UBR3: variants seen among roughly 807,000 people sequenced by gnomAD.
The protein encoded by UBR3 is ubiquitin protein ligase E3 component n-recognin 3.
UBR3 carries 85 observed loss-of-function variants against 243.2 expected under a neutral mutation model. The observed-to-expected ratio is 0.35, with a 90% CI of 0.29 to 0.42. The LOEUF (loss-of-function observed/expected upper bound fraction) is 0.42, where lower values mean the gene tolerates loss of function less well. Ranked by LOEUF, UBR3 falls within the 10% of genes least tolerant of loss-of-function variation. The pLI, the probability that UBR3 is intolerant of heterozygous loss-of-function variation, is 1.00. For missense variants in UBR3, 1,686 were observed against 2,300.8 expected, an observed-to-expected ratio of 0.73 and a Z score of 5.47; for synonymous variants, 748 against 799.8, an observed-to-expected ratio of 0.94 and a Z score of 1.09.
intron 18 of UBR3, among the ~76,000 whole-genome samples, chr2:169,932,076 A>ATTTTTTT (rs140968517): frequency 3.4e-5 from 5 of 145,920 alleles, no homozygotes; most frequent in Non-Finnish European, 6.0e-5. Flanking sequence ...TAGCTCATTA[A>ATTTTTTT]TTTTTTTTTT....
At position 169,908,510 on chromosome 2, in the gene UBR3, A is replaced by G. The variant is rs572493567; in HGVS notation, c.1779+2346A>G. Among the ~76,000 whole-genome samples, 40 of 152,336 alleles carry G rather than the reference A, an allele frequency of 2.6e-4. No homozygotes were observed. The South Asian group carries it at 2.7e-3, about 10-fold the overall frequency. On this transcript the variant is annotated intron_variant, in intron 10 of 38. Coordinates refer to ENST00000272793, the MANE Select transcript of UBR3 (RefSeq NM_172070.4). ...TTTATTCAAAAAATATATGCCAGAC[A>G]TTGTTTAGATGCTTAAGTTTTTGGT... is the stretch of plus-strand genomic sequence containing the variant.
chr2:170,060,223 A>C (rs534973799), intron 33 of UBR3, among the ~76,000 whole-genome samples: 1 of 152,220 alleles, frequency 6.6e-6, no homozygotes, highest in Non-Finnish European at 1.5e-5. Context: ...GGTAATTTGC[A>C]TGTTACACTT....
At chr2:170,012,672 G>GTTTTTTTTTTTTTTTTTTTTTTTTTTTT (rs150182050) in intron 29 of UBR3, among the ~76,000 whole-genome samples, 1 of 68,870 alleles carries the variant, frequency 1.5e-5, no homozygotes, top group Non-Finnish European at 3.7e-5. Context: ...TGAAGATACT[G>GTTTTTTTTTTTTTTTTTTTTTTTTTTTT]GTTTTTTTTT....
chr2:170,065,971 CTT>C (rs200207380), intron 35 of UBR3, among the ~76,000 whole-genome samples: 10 of 140,610 alleles, frequency 7.1e-5, no homozygotes, highest in Non-Finnish European at 7.8e-5. Flanking sequence ...TATCCCGTGC[CTT>C]TTTTTTTTTT....
rs1468597177 is a variant in UBR3 at position 169,923,940 on chromosome 2, C to T, written c.1878C>T (p.Asn626=). 1 of 1,546,756 alleles carries T rather than the reference C, an allele frequency of 6.5e-7. No individual in the cohort carries two copies. Among genetic ancestry groups the T allele is most frequent in the East Asian group, 2.5e-5 (1 of 40,784 alleles). ...AINFVDEPAP[N]QVTFHLPLHR... is the part of the protein sequence containing the mutation. Reference sequence around the variant, plus strand: ...TTTGTTTATTCCAGCCAGCACCTAACCAAGTCACTTTTCATCTGCCACTAC... The same window carrying T: ...TTTGTTTATTCCAGCCAGCACCTAATCAAGTCACTTTTCATCTGCCACTAC... Residue 626 remains asparagine (N), a synonymous_variant, in exon 12 of 39, where the codon AAC becomes AAT. Coordinates refer to ENST00000272793, the MANE Select transcript of UBR3 (RefSeq NM_172070.4).
chr2:170,017,562 C>G (rs866612285), intron 30 of UBR3, among the ~76,000 whole-genome samples: 1 of 138,766 alleles, frequency 7.2e-6, no homozygotes, highest in Non-Finnish European at 1.5e-5. Flanking sequence ...CACACACACA[C>G]ACACACACAC....
At chr2:170,047,804 C>A (rs2091125005) in intron 32 of UBR3, among the ~76,000 whole-genome samples, 3 of 152,184 alleles carry the variant, frequency 2.0e-5, no homozygotes, top group African/African-American at 7.2e-5. Context: ...TGTCTTGTCC[C>A]TTTCTCCCTG....
intron 32 of UBR3, among the ~76,000 whole-genome samples, chr2:170,046,456 T>C (rs1055210532): frequency 1.3e-5 from 2 of 152,290 alleles, no homozygotes; most frequent in Middle Eastern, 3.4e-3. Context: ...ATTTTGCTAC[T>C]TGTACCCCCA....
At chr2:169,836,067 A>T (rs866415469) in intron 1 of UBR3, among the ~76,000 whole-genome samples, 17,104 of 32,676 alleles carry the variant, frequency 0.52, 4,988 homozygotes, top group East Asian at 0.69. Flanking sequence ...ATATATATAT[A>T]TTTTTTTTTT....
intron 19 of UBR3, among the ~76,000 whole-genome samples, chr2:169,941,060 C>A (rs1013974001): frequency 2.0e-5 from 3 of 152,168 alleles, no homozygotes; most frequent in Non-Finnish European, 4.4e-5. Context: ...TTCAGGATCA[C>A]CTGAAGCAGA....
intron 11 of UBR3, among the ~76,000 whole-genome samples, chr2:169,922,288 T>TAAAAAAA (rs748782463): frequency 8.1e-6 from 1 of 122,754 alleles, no homozygotes; most frequent in South Asian, 2.7e-4. Context: ...CCTGTCTATT[T>TAAAAAAA]AAAAAAAAAA....
chr2:169,935,676 T>C (rs1331690153), intron 19 of UBR3, among the ~76,000 whole-genome samples: 2 of 152,254 alleles, frequency 1.3e-5, no homozygotes, highest in Non-Finnish European at 2.9e-5. Flanking sequence ...TGTATGAGTT[T>C]ATATATATCA....
intron 27 of UBR3, among the ~76,000 whole-genome samples, chr2:170,006,111 A>G (rs906221464): frequency 3.3e-5 from 5 of 152,158 alleles, no homozygotes; most frequent in Non-Finnish European, 7.4e-5. Context: ...TTCTTCTGTG[A>G]CCAGGACCCT....
intron 35 of UBR3, among the ~76,000 whole-genome samples, chr2:170,065,302 G>T (rs1312152842): frequency 6.6e-6 from 1 of 150,926 alleles, no homozygotes; most frequent in Non-Finnish European, 1.5e-5. Context: ...TGGGTGGGCG[G>T]GAGGAAGACA....
chr2:169,931,993 T>C (rs984358370), intron 18 of UBR3, among the ~76,000 whole-genome samples: 1 of 152,134 alleles, frequency 6.6e-6, no homozygotes, highest in African/African-American at 2.4e-5. Flanking sequence ...AGACAAATTA[T>C]CAGTTTTAGC....
chr2:170,029,426 C>G lies in UBR3; in HGVS notation c.4534C>G (p.Gln1512Glu). Residue 1512 changes from glutamine (Q) to glutamate (E), a missense_variant, in exon 31 of 39, where the codon CAG (glutamine) becomes GAG (glutamate). Transcript: ENST00000272793. ...GTATAATCCCTGGAGAAAGCTCACC[C>G]AGTTAGAAGAGATGAATCCACAGTA... ...SEYNPWRKLT[Q>E]LEEMNPQLGY... The G allele has an allele frequency of 6.2e-7, 1 of 1,610,580 alleles. No individual in the cohort carries two copies. The highest frequency in any genetic ancestry group is 8.5e-7 in the Non-Finnish European group (1 of 1,178,212).
At chr2:170,027,098 G>T (rs1221331149) in intron 30 of UBR3, among the ~76,000 whole-genome samples, 2 of 151,746 alleles carry the variant, frequency 1.3e-5, no homozygotes, top group African/African-American at 4.8e-5. Context: ...AAGTGGAGTG[G>T]TAGAAATAAC....
intron 35 of UBR3, among the ~76,000 whole-genome samples, chr2:170,071,748 G>A (rs935047313): frequency 1.3e-5 from 2 of 152,006 alleles, no homozygotes; most frequent in African/African-American, 4.8e-5. Flanking sequence ...TTTCTTCTTT[G>A]TAGCATATTT....
At position 169,885,934 on chromosome 2, in the gene UBR3, C is replaced by G. The variant is rs1362813480; in HGVS notation, c.1039-5231C>G. Reference sequence around the variant, plus strand: ...CAGAACTTTGGGAGGCCGAGGTGGGCGATCCCTAGGTCAGGAGATCGAGAT... The same window carrying G: ...CAGAACTTTGGGAGGCCGAGGTGGGGGATCCCTAGGTCAGGAGATCGAGAT... On this transcript the variant is annotated intron_variant, in intron 5 of 38. Transcript: ENST00000272793. Among the ~76,000 whole-genome samples, 3 of 152,018 alleles carry G rather than the reference C, an allele frequency of 2.0e-5. No homozygotes were observed. The East Asian group carries it at 5.8e-4, about 29-fold the overall frequency.
Sources: allele counts gnomAD v4.1 joint callset (sites outside exome capture counted in the v4.1 genomes callset), GRCh38; gene constraint gnomAD v4.1.1; transcripts MANE v1.5; gene names NCBI Gene and HGNC (gene_info 2026-07-23, HGNC 2026-07-21).